The following ACBD6 variants were observed in gnomAD, a reference collection of about 807,000 sequenced individuals.
ACBD6 encodes the protein acyl-CoA binding domain containing 6.
A neutral mutation model predicts 37.2 loss-of-function variants in ACBD6; 28 were observed. That is an observed-to-expected ratio of 0.75 (90% confidence interval 0.56 to 1.03). The LOEUF (loss-of-function observed/expected upper bound fraction) is 1.03. Among genes scored for constraint, ACBD6 ranks in the 50% least tolerant of loss-of-function variants. ACBD6 has a pLI of 0.00. For synonymous variants in ACBD6, 113 were observed against 126.8 expected, an observed-to-expected ratio of 0.89 and a Z score of 0.73; for missense variants, 340 against 337.4, an observed-to-expected ratio of 1.01 and a Z score of -0.06.
intron 5 of ACBD6, among the ~76,000 whole-genome samples, chr1:180,411,074 G>A (rs1181671694): frequency 1.3e-5 from 2 of 152,192 alleles, no homozygotes; most frequent in African/African-American, 4.8e-5. Flanking sequence ...ACTTGCAGAT[G>A]TAACTGCAAG....
chr1:180,285,378 C>G (rs1405472830), downstream of ACBD6, among the ~76,000 whole-genome samples: 1 of 152,082 alleles, frequency 6.6e-6, no homozygotes. Context: ...AGGTGCATCT[C>G]AGAACTGATC....
intron 6 of ACBD6, among the ~76,000 whole-genome samples, chr1:180,344,777 T>C (rs1482323752): frequency 6.6e-6 from 1 of 152,038 alleles, no homozygotes; most frequent in Non-Finnish European, 1.5e-5. Flanking sequence ...AACAACACAA[T>C]CCGTATTTTC....
chr1:180,297,990 C>T (rs1301364705), intron 7 of ACBD6, among the ~76,000 whole-genome samples: 13 of 152,296 alleles, frequency 8.5e-5, no homozygotes, highest in Non-Finnish European at 1.5e-5. Flanking sequence ...GGTGACCCAC[C>T]TGCCTTGGCC....
At chr1:180,497,776 A>G (rs1651795358) in intron 1 of ACBD6, among the ~76,000 whole-genome samples, 1 of 152,338 alleles carries the variant, frequency 6.6e-6, no homozygotes, top group Non-Finnish European at 1.5e-5. Flanking sequence ...TGCTGCATCC[A>G]GTCTACTGCA....
chr1:180,422,506 C>T (rs1648409853), intron 4 of ACBD6, among the ~76,000 whole-genome samples: 1 of 152,212 alleles, frequency 6.6e-6, no homozygotes, highest in Admixed American at 6.5e-5. Context: ...CCACACCTGG[C>T]CCATCCCTTT....
chr1:180,497,534 T>C (rs1571586381), intron 1 of ACBD6, among the ~76,000 whole-genome samples: 1 of 152,366 alleles, frequency 6.6e-6, no homozygotes, highest in Admixed American at 6.5e-5. Context: ...ATCATTTATA[T>C]GGGTTATATC....
At chr1:180,339,897 G>C (rs1180934972) in intron 6 of ACBD6, among the ~76,000 whole-genome samples, 1 of 151,966 alleles carries the variant, frequency 6.6e-6, no homozygotes, top group African/African-American at 2.4e-5. Context: ...GGCAGATTGG[G>C]TATCAACTTA....
chr1:180,361,850 ATATT>A (rs1161114674), intron 6 of ACBD6, among the ~76,000 whole-genome samples: 6 of 152,158 alleles, frequency 3.9e-5, no homozygotes, highest in African/African-American at 1.2e-4. Flanking sequence ...CTCTGAACAT[ATATT>A]TATTTTGCTG....
intron 6 of ACBD6, among the ~76,000 whole-genome samples, chr1:180,391,904 C>T (rs914475481): frequency 1.3e-5 from 2 of 152,048 alleles, no homozygotes; most frequent in Admixed American, 6.6e-5. Flanking sequence ...AAAAAAAAGA[C>T]ACCTAAATGT....
At chr1:180,441,761 C>G (rs1477580890) in intron 3 of ACBD6, among the ~76,000 whole-genome samples, 2 of 152,180 alleles carry the variant, frequency 1.3e-5, no homozygotes, top group Non-Finnish European at 2.9e-5. Flanking sequence ...AATTAACATA[C>G]TAACTCTAGC....
intron 6 of ACBD6, among the ~76,000 whole-genome samples, chr1:180,357,696 C>T (rs1442480925): frequency 2.6e-5 from 4 of 152,112 alleles, no homozygotes; most frequent in African/African-American, 7.2e-5. Flanking sequence ...GTAGAGGTTC[C>T]CTAGAAGCTG....
At chr1:180,323,528 G>GTC (rs1010135328) in intron 6 of ACBD6, among the ~76,000 whole-genome samples, 8 of 151,802 alleles carry the variant, frequency 5.3e-5, no homozygotes, top group South Asian at 2.1e-4. Flanking sequence ...TTGTATTGGG[G>GTC]TCTCTCTCTC....
At chr1:180,320,957 T>G (rs565527327) in intron 6 of ACBD6, among the ~76,000 whole-genome samples, 10 of 152,316 alleles carry the variant, frequency 6.6e-5, no homozygotes, top group Admixed American at 4.6e-4. Flanking sequence ...CCATTTGGTT[T>G]GACTTTTGTA....
chr1:180,419,864 CAG>C (rs1648281542), intron 4 of ACBD6, among the ~76,000 whole-genome samples: 1 of 150,192 alleles, frequency 6.7e-6, no homozygotes, highest in South Asian at 2.1e-4. Context: ...GAAGAGGTGG[CAG>C]GTGAGGCAGG....
chr1:180,411,390 G>A (rs1427994484), intron 5 of ACBD6, among the ~76,000 whole-genome samples: 5 of 152,116 alleles, frequency 3.3e-5, no homozygotes, highest in East Asian at 1.9e-4. Context: ...AATCTTTTAC[G>A]AAGGAAGACT....
chr1:180,483,426 TATA>T (rs1354248877), intron 3 of ACBD6, among the ~76,000 whole-genome samples: 1 of 152,164 alleles, frequency 6.6e-6, no homozygotes, highest in Non-Finnish European at 1.5e-5. Flanking sequence ...TAATATTTAC[TATA>T]ATATTTACTT....
chr1:180,456,558 C>T (rs955070900), intron 3 of ACBD6, among the ~76,000 whole-genome samples: 17 of 152,208 alleles, frequency 1.1e-4, no homozygotes, highest in African/African-American at 4.1e-4. Context: ...AAAGTGTAAA[C>T]GTGATAGTTA....
At chr1:180,315,739 T>C (rs546634987) in intron 6 of ACBD6, among the ~76,000 whole-genome samples, 1 of 152,114 alleles carries the variant, frequency 6.6e-6, no homozygotes, top group Non-Finnish European at 1.5e-5. Context: ...TTCAGATAGG[T>C]AGTAAGAAAA....
rs1034769273 is a variant in ACBD6 at position 180,463,576 on chromosome 1, C to CA, written c.384+28692dup. ...AGGTAGCAATAAGTAGTCTACCAAT[C>CA]AAAAAAAAACCCAGGACCAGACAGA... is the stretch of plus-strand genomic sequence containing the variant. On this transcript the variant is annotated intron_variant, in intron 3 of 7. Coordinates refer to ENST00000367595, the MANE Select transcript of ACBD6 (RefSeq NM_032360.4). Among the ~76,000 whole-genome samples the CA allele has an allele frequency of 5.3e-3, 792 of 150,548 alleles. 12 individuals are homozygous for CA. Among genetic ancestry groups the CA allele is most frequent in the African/African-American group, 0.017 (710 of 41,066 alleles).
Sources: allele counts gnomAD v4.1 joint callset (sites outside exome capture counted in the v4.1 genomes callset), GRCh38; gene constraint gnomAD v4.1.1; transcripts MANE v1.5; gene names NCBI Gene and HGNC (gene_info 2026-07-23, HGNC 2026-07-21).